ADAMTSL1: variants seen among roughly 807,000 people sequenced by gnomAD.
ADAMTSL1 encodes the protein ADAMTS like 1, also known as ADAMTS-like protein 1.
In ADAMTSL1, 126 loss-of-function variants were observed where a neutral mutation model predicts 201.8. The observed-to-expected ratio is 0.62, with a 90% CI of 0.54 to 0.72. ADAMTSL1 has a LOEUF of 0.72. Among genes scored for constraint, ADAMTSL1 ranks in the 30% least tolerant of loss-of-function variants. ADAMTSL1 has a pLI of 0.00. For synonymous variants in ADAMTSL1, 1,121 were observed against 903.4 expected, an observed-to-expected ratio of 1.24 and a Z score of -4.32; for missense variants, 2,679 against 2,277.8, an observed-to-expected ratio of 1.18 and a Z score of -3.59.
In ADAMTSL1 at chr9:18,892,433, G is replaced by C. The variant is rs749982360; in HGVS notation, c.4688G>C (p.Gly1563Ala). The change falls in exon 26 of 29, where the codon GGA (glycine) becomes GCA (alanine). Residue 1563 changes from glycine (G) to alanine (A), a missense_variant. Coordinates refer to ENST00000380548, the MANE Select transcript of ADAMTSL1 (RefSeq NM_001040272.6). ...TCTGCCTGTACCCGGAGCTGTGGGG[G>C]AGGTGTCCAGACCCGCAGGGTGACC... is the stretch of plus-strand genomic sequence containing the variant. ...SWSACTRSCG[G>A]GVQTRRVTCQ... 1 of 1,613,608 alleles carries C rather than the reference G, an allele frequency of 6.2e-7. No homozygotes were observed. Among genetic ancestry groups the C allele is most frequent in the Non-Finnish European group, 8.5e-7 (1 of 1,179,800 alleles).
intron 4 of ADAMTSL1, among the ~76,000 whole-genome samples, chr9:18,616,251 G>A (rs984253247): frequency 2.6e-5 from 4 of 152,074 alleles, no homozygotes; most frequent in South Asian, 2.1e-4. Flanking sequence ...TCTCAAACTC[G>A]TGGCCTCAAG....
chr9:17,921,544 A>G lies in ADAMTSL1; in HGVS notation c.87+14622A>G, dbSNP rs1483287948. Among the ~76,000 whole-genome samples, 12 of 152,162 alleles carry G rather than the reference A, an allele frequency of 7.9e-5. No homozygotes were observed. In the East Asian group the frequency reaches 2.1e-3, roughly 27 times the overall value. ...GCCATGTTAACTGGAAGTTAGCACT[A>G]TTTATTCTCTTTAATTTCTATTTTT... On this transcript the variant is annotated intron_variant, in intron 1 of 29. Coordinates refer to the ADAMTSL1 transcript ENST00000680146.
At chr9:18,335,936 A>C (rs1563894946) in intron 2 of ADAMTSL1, among the ~76,000 whole-genome samples, 1 of 152,262 alleles carries the variant, frequency 6.6e-6, no homozygotes, top group East Asian at 1.9e-4. Flanking sequence ...TATCTATAGG[A>C]AGGGCTATAT....
chr9:18,026,140 T>A (rs193219597), intron 1 of ADAMTSL1, among the ~76,000 whole-genome samples: 6 of 152,180 alleles, frequency 3.9e-5, no homozygotes, highest in African/African-American at 1.4e-4. Context: ...AGGTGTGGAA[T>A]CATCATCAGT....
chr9:18,148,195 G>C (rs569489498), intron 1 of ADAMTSL1, among the ~76,000 whole-genome samples: 2 of 152,114 alleles, frequency 1.3e-5, no homozygotes, highest in African/African-American at 4.8e-5. Context: ...GTAGAGAAGG[G>C]AGTGGGCTTT....
intron 1 of ADAMTSL1, among the ~76,000 whole-genome samples, chr9:18,100,416 G>A (rs1824463396): frequency 6.6e-6 from 1 of 152,142 alleles, no homozygotes; most frequent in Non-Finnish European, 1.5e-5. Flanking sequence ...GAGTAGCTGG[G>A]ACTACAGGGT....
intron 23 of ADAMTSL1, among the ~76,000 whole-genome samples, chr9:18,858,361 C>A (rs1473942785): frequency 6.6e-6 from 1 of 152,170 alleles, no homozygotes; most frequent in Non-Finnish European, 1.5e-5. Flanking sequence ...CACCACTGCA[C>A]CCCTGGTTTA....
chr9:18,386,278 G>A (rs1208371559), intron 2 of ADAMTSL1, among the ~76,000 whole-genome samples: 1 of 152,126 alleles, frequency 6.6e-6, no homozygotes, highest in Non-Finnish European at 1.5e-5. Context: ...GCAACAAAAC[G>A]ACAAATTGCT....
At chr9:18,826,557 G>T in intron 22 of ADAMTSL1, 94 bp downstream of exon 22, 2 of 1,410,526 alleles carry the variant, frequency 1.4e-6, no homozygotes, top group Non-Finnish European at 1.9e-6. Context: ...ATCCAATTAA[G>T]GACATAAAAG....
chr9:18,141,245 G>A (rs937403356), intron 1 of ADAMTSL1, among the ~76,000 whole-genome samples: 1 of 152,162 alleles, frequency 6.6e-6, no homozygotes, highest in Non-Finnish European at 1.5e-5. Flanking sequence ...AGAAGGGGAG[G>A]AGAGTGGAAG....
At chr9:18,174,610 C>CT (rs894938967) in intron 2 of ADAMTSL1, among the ~76,000 whole-genome samples, 7 of 151,406 alleles carry the variant, frequency 4.6e-5, no homozygotes, top group South Asian at 2.1e-4. Flanking sequence ...ATACACATGA[C>CT]TTTTTTTTTA....
chr9:18,614,438 G>C (rs1189766279), intron 4 of ADAMTSL1, among the ~76,000 whole-genome samples: 1 of 152,094 alleles, frequency 6.6e-6, no homozygotes, highest in East Asian at 1.9e-4. Flanking sequence ...TTATCTTTCT[G>C]TTTCAGGTTT....
chr9:18,119,043 G>A (rs1733208777), intron 1 of ADAMTSL1, among the ~76,000 whole-genome samples: 1 of 152,130 alleles, frequency 6.6e-6, no homozygotes, highest in African/African-American at 2.4e-5. Context: ...ATGTGACTCT[G>A]AGCAAGTTAC....
intron 2 of ADAMTSL1, among the ~76,000 whole-genome samples, chr9:18,175,992 T>C (rs1219112954): frequency 1.0e-5 from 1 of 95,980 alleles, no homozygotes; most frequent in African/African-American, 4.2e-5. Context: ...GGGAAGGGGC[T>C]AAGAAGAGGG....
At chr9:18,558,414 G>A (rs1821245929) in intron 3 of ADAMTSL1, among the ~76,000 whole-genome samples, 2 of 152,120 alleles carry the variant, frequency 1.3e-5, no homozygotes, top group Non-Finnish European at 2.9e-5. Context: ...TATCATTGAT[G>A]GGCATTTGGG....
intron 1 of ADAMTSL1, among the ~76,000 whole-genome samples, chr9:17,942,842 G>C (rs1215730779): frequency 6.6e-6 from 1 of 152,134 alleles, no homozygotes; most frequent in Non-Finnish European, 1.5e-5. Flanking sequence ...CAACTGGTAT[G>C]GGAATATTTC....
chr9:18,777,060 T>C lies in ADAMTSL1; in HGVS notation c.2831T>C (p.Val944Ala). ...CGCCTCAAGCCCTCGGATGCAGGCG[T>C]CTACACCTGCTCAGCGGGCCCGGCC... ...IHRLKPSDAG[V>A]YTCSAGPARE... The change falls in exon 19 of 29, where the codon GTC becomes GCC. Residue 944 changes from valine to alanine, a missense_variant. By Grantham distance (64) the Val-to-Ala change is moderately conservative. Transcript: ENST00000380548. 3.1e-6 allele frequency: 5 copies of C among 1,613,278 alleles called. No homozygotes were observed. The highest frequency in any genetic ancestry group is 4.2e-6 in the Non-Finnish European group (5 of 1,179,746).
chr9:18,859,623 A>C (rs143234239), intron 23 of ADAMTSL1, among the ~76,000 whole-genome samples: 2 of 152,336 alleles, frequency 1.3e-5, no homozygotes, highest in Admixed American at 6.5e-5. Flanking sequence ...TCTGAAGGGC[A>C]ATTTAGCAAT....
intron 15 of ADAMTSL1, among the ~76,000 whole-genome samples, chr9:18,744,771 C>G (rs1268702450): frequency 6.6e-6 from 1 of 152,138 alleles, no homozygotes; most frequent in Non-Finnish European, 1.5e-5. Flanking sequence ...ATCTTAGAGC[C>G]CAAGGTCCTG....
Sources: gnomAD v4.1 joint callset for allele counts (sites outside exome capture counted in the v4.1 genomes callset) on GRCh38, gnomAD v4.1.1 for gene constraint, MANE v1.5 for transcripts, NCBI Gene and HGNC (gene_info 2026-07-23, HGNC 2026-07-21) for gene names.